PITX3: variants seen among roughly 807,000 people sequenced by gnomAD.
PITX3 encodes paired like homeodomain 3.
PITX3 carries 4 observed loss-of-function variants against 14.2 expected under a neutral mutation model. The ratio of observed to expected loss-of-function variants is 0.28; its 90% confidence interval spans 0.14 to 0.65. The LOEUF is 0.65. PITX3 is among the 30% of genes least tolerant of loss of function. The pLI, the probability that PITX3 is intolerant of heterozygous loss-of-function variation, is 0.82. For missense variants in PITX3, 358 were observed against 426.8 expected (o/e 0.84, Z 1.42); for synonymous variants, 194 against 204.5 (o/e 0.95, Z 0.44).
Position 102,231,031 on chromosome 10 carries a change from C to A in PITX3, c.392G>T (p.Gly131Val). ...ERSQQAELCKGSFAAPLGGLV... is the reference protein window; with the variant it reads ...ERSQQAELCKVSFAAPLGGLV... ...CCCCCCGAGCGGCGCCGCGAAGCTG[C>A]CTTTGCATAGCTCGGCCTGCTGGCT... The change falls in exon 4 of 4, where the codon GGC becomes GTC. Residue 131 changes from glycine to valine, a missense_variant. Coordinates refer to ENST00000370002, the MANE Select transcript of PITX3 (RefSeq NM_005029.4). 1 of 1,596,974 alleles carries A rather than the reference C, an allele frequency of 6.3e-7. No individual in the cohort carries two copies. Among genetic ancestry groups the A allele is most frequent in the Non-Finnish European group, 8.5e-7 (1 of 1,172,772 alleles).
In PITX3 at chr10:102,231,065, G is replaced by A. The variant is rs758393576; in HGVS notation, c.358C>T (p.Arg120Cys). The A allele has an allele frequency of 6.4e-7, 1 of 1,570,728 alleles. No individual in the cohort carries two copies. ...FKNRRAKWRK[R>C]ERSQQAELCK... ...AGCTCGGCCTGCTGGCTGCGCTCGCGCTTCCGCCATTTGGCGCGCCGGTTC... is the reference window on the plus strand; with the variant it reads ...AGCTCGGCCTGCTGGCTGCGCTCGCACTTCCGCCATTTGGCGCGCCGGTTC... Residue 120 changes from arginine (R) to cysteine (C), a missense_variant, in exon 4 of 4, where the codon CGC (arginine) becomes TGC (cysteine). Arg to Cys is a radical substitution (Grantham distance 180). Coordinates refer to ENST00000370002, the MANE Select transcript of PITX3 (RefSeq NM_005029.4).
chr10:102,232,390 T>A (rs2070270360), intron 1 of PITX3, among the ~76,000 whole-genome samples: 1 of 152,152 alleles, frequency 6.6e-6, no homozygotes, highest in African/African-American at 2.4e-5. Context: ...TTAATAAAAA[T>A]GTAGACTATA....
At chr10:102,237,497 G>T (rs1394123066) in intron 1 of PITX3, among the ~76,000 whole-genome samples, 2 of 152,058 alleles carry the variant, frequency 1.3e-5, no homozygotes, top group African/African-American at 4.8e-5. Context: ...AAGGGGCAGT[G>T]GTTCAGATTT....
chr10:102,231,836 C>T, intron 2 of PITX3, 46 bp from the exon 3 acceptor site: 1 of 1,591,882 alleles, frequency 6.3e-7, no homozygotes, highest in Non-Finnish European at 8.5e-7. Context: ...CAAGCCAGCG[C>T]ATATTCTCCG....
intron 1 of PITX3, 84 bp from the exon 2 acceptor site, chr10:102,232,176 T>G: frequency 5.2e-6 from 4 of 768,428 alleles, no homozygotes; most frequent in East Asian, 2.7e-5. Context: ...TCCTCGTAAA[T>G]TCCCTGGCGC....
intron 1 of PITX3, among the ~76,000 whole-genome samples, chr10:102,235,979 G>A (rs1002975447): frequency 2.0e-5 from 3 of 152,210 alleles, no homozygotes; most frequent in African/African-American, 7.2e-5. Context: ...TCTTGCATGG[G>A]CTAGTAACAG....
intron 1 of PITX3, among the ~76,000 whole-genome samples, chr10:102,237,297 G>A (rs2070421322): frequency 6.6e-6 from 1 of 152,140 alleles, no homozygotes; most frequent in African/African-American, 2.4e-5. Context: ...AGAGAATATA[G>A]GCACGTGACT....
chr10:102,237,316 A>G (rs2070422048), intron 1 of PITX3, among the ~76,000 whole-genome samples: 2 of 152,132 alleles, frequency 1.3e-5, no homozygotes. Flanking sequence ...CTGAATTGGG[A>G]GTTCAAGAGG....
chr10:102,232,185 G>A (rs1184608257), intron 1 of PITX3, 93 bp from the exon 2 acceptor site: 3 of 742,782 alleles, frequency 4.0e-6, no homozygotes, highest in Non-Finnish European at 4.7e-6. Context: ...ATTCCCTGGC[G>A]CCTTTCTCAA....
At position 102,237,913 on chromosome 10, in the gene PITX3, A is replaced by G. The variant is rs536268930; in HGVS notation, c.-13+3420T>C. On this transcript the variant is annotated intron_variant, in intron 1 of 3. Transcript: ENST00000370002. ...CCCACCCCACTATGAGAAGCAATGC[A>G]CCAAGCAGTAGGGGTCACTGGAGGC... 5.3e-4 allele frequency among the ~76,000 whole-genome samples: 81 copies of G among 151,734 alleles called. 1 individual carries two copies. Among genetic ancestry groups the G allele is most frequent in the African/African-American group, 1.8e-3 (74 of 41,230 alleles).
chr10:102,240,604 C>T (rs942705904), intron 1 of PITX3, among the ~76,000 whole-genome samples: 1 of 152,232 alleles, frequency 6.6e-6, no homozygotes, highest in Non-Finnish European at 1.5e-5. Context: ...ACACAACTCC[C>T]GCTCCGGAGA....
chr10:102,238,687 A>G lies in PITX3; in HGVS notation c.-13+2646T>C, dbSNP rs150784894. 1.5e-3 allele frequency among the ~76,000 whole-genome samples: 236 copies of G among 152,274 alleles called. 1 individual carries two copies. The highest frequency in any genetic ancestry group is 2.7e-3 in the South Asian group (13 of 4,824). ...AGAGGGCCTTCACAGACATAATTTC[A>G]TTTAACTCGCACAACTGCCCTGCAT... On this transcript the variant is annotated intron_variant, in intron 1 of 3. Transcript: ENST00000370002.
rs537838811 is a variant in PITX3 at position 102,230,934 on chromosome 10, C to A, written c.489G>T (p.Pro163=). 2.5e-6 allele frequency: 4 copies of A among 1,609,430 alleles called. No individual in the cohort carries two copies. Among genetic ancestry groups the A allele is most frequent in the East Asian group, 2.2e-5 (1 of 44,694 alleles). ...ATGGAAAGGTCTTGGCGGCGAGCGG[C>A]GGGGCAAGAGCCTTGGGCGGCCAGT... is the stretch of plus-strand genomic sequence containing the variant. ...YGNWPPKALA[P]PLAAKTFPFA... is the part of the protein sequence containing the mutation. The change falls in exon 4 of 4, where the codon CCG becomes CCT. Residue 163 remains proline (P), a synonymous_variant. Transcript: ENST00000370002.
rs2070203923 is a variant in PITX3, at chr10:102,230,604, C to G, written c.819G>C (p.Gln273His). Residue 273 changes from glutamine (Q) to histidine (H), a missense_variant, in exon 4 of 4, where the codon CAG becomes CAC. Physicochemically the swap from Gln to His is conservative, Grantham distance 24. Transcript: ENST00000370002. ...CAGCGGGGTAGCTGAAGGAGGCGTG[C>G]TGTTTGGCTTTGAGCCGCAGGCTGG... is the stretch of plus-strand genomic sequence containing the variant. ...SLASLRLKAK[Q>H]HASFSYPAVH... 6.2e-7 allele frequency: 1 copy of G among 1,610,904 alleles called. No homozygotes were observed. Among genetic ancestry groups the G allele is most frequent in the Admixed American group, 1.7e-5 (1 of 59,578 alleles).
Position 102,230,463 on chromosome 10 carries a change from G to A in PITX3, c.*51C>T. 6.4e-7 allele frequency: 1 copy of A among 1,571,328 alleles called. No individual in the cohort carries two copies. The highest frequency in any genetic ancestry group is 8.6e-7 in the Non-Finnish European group (1 of 1,158,312). On this transcript the variant is annotated 3_prime_UTR_variant, in exon 4 of 4. Transcript: ENST00000370002. The stretch of plus-strand genomic sequence containing the variant: ...AGTCAAAATGACCCCAGTCCGCGGA[G>A]GCTGTGAATCGTTGCCCCCGCCCTC...
chr10:102,231,334 T>C (rs1186079588), intron 3 of PITX3, among the ~76,000 whole-genome samples: 1 of 149,620 alleles, frequency 6.7e-6, no homozygotes, highest in East Asian at 2.0e-4. Context: ...TAGGATGGGG[T>C]TGAGGAGGGG....
At position 102,230,403 on chromosome 10, in the gene PITX3, A is replaced by G; in HGVS notation, c.*111T>C. 1.4e-6 allele frequency: 2 copies of G among 1,480,334 alleles called. No homozygotes were observed. Among genetic ancestry groups the G allele is most frequent in the Non-Finnish European group, 1.8e-6 (2 of 1,105,112 alleles). 91.7% of individuals were successfully genotyped at this position (1,480,334 alleles called of 1,614,324 possible). A position where few individuals can be genotyped will look rare whatever the true frequency, so the allele number is the denominator to read the frequency against. ...TGAGCCGGTGCCCCCCAGCTGCCCA[A>G]ACACCCCTTTCAGACCCTGGGGCGG... On this transcript the variant is annotated 3_prime_UTR_variant, in exon 4 of 4. Transcript: ENST00000370002.
At chr10:102,231,161 G>T in intron 3 of PITX3, 60 bp from the exon 4 acceptor site, 1 of 1,432,394 alleles carries the variant, frequency 7.0e-7, no homozygotes, top group South Asian at 1.5e-5. Flanking sequence ...GCTGAAGGGC[G>T]GGCCACCCCG....
intron 1 of PITX3, among the ~76,000 whole-genome samples, chr10:102,235,990 C>T (rs1387185731): frequency 6.6e-6 from 1 of 152,122 alleles, no homozygotes; most frequent in East Asian, 1.9e-4. Context: ...CTAGTAACAG[C>T]AGAGAGAGGA....
Sources: allele counts gnomAD v4.1 joint callset (sites outside exome capture counted in the v4.1 genomes callset), GRCh38; gene constraint gnomAD v4.1.1; transcripts MANE v1.5; gene names NCBI Gene and HGNC (gene_info 2026-07-23, HGNC 2026-07-21).